Variants in SLC4A4 observed in about 807,000 individuals in gnomAD.
SLC4A4 encodes the protein electrogenic sodium bicarbonate cotransporter 1.
A neutral mutation model predicts 111.5 loss-of-function variants in SLC4A4; 27 were observed. The ratio of observed to expected loss-of-function variants is 0.24; its 90% confidence interval spans 0.18 to 0.33. The LOEUF (loss-of-function observed/expected upper bound fraction) is 0.33, where lower values mean the gene tolerates loss of function less well. Among genes scored for constraint, SLC4A4 ranks in the 10% least tolerant of loss-of-function variants. SLC4A4 has a pLI of 1.00. For missense variants in SLC4A4, 909 were observed against 1,315.5 expected (o/e 0.69, Z 4.78); for synonymous variants, 443 against 463.4 (o/e 0.96, Z 0.57).
intron 1 of SLC4A4, among the ~76,000 whole-genome samples, chr4:71,201,463 G>C (rs1268187097): frequency 6.6e-6 from 1 of 152,210 alleles, no homozygotes; most frequent in African/African-American, 2.4e-5. Context: ...CCTCTGTTCT[G>C]CAGGGGAGAT....
At chr4:71,202,030 A>C (rs1746278622) in intron 1 of SLC4A4, among the ~76,000 whole-genome samples, 1 of 152,254 alleles carries the variant, frequency 6.6e-6, no homozygotes, top group Non-Finnish European at 1.5e-5. Flanking sequence ...TGATAAGAGC[A>C]GTTCATAACC....
At chr4:71,079,666 C>T (rs1199520369) in intron 1 of SLC4A4, among the ~76,000 whole-genome samples, 2 of 151,892 alleles carry the variant, frequency 1.3e-5, no homozygotes, top group East Asian at 1.9e-4. Context: ...GTCCCAGCTA[C>T]TCGGGAGGCT....
At chr4:71,550,244 G>A (rs1735868519) in intron 20 of SLC4A4, among the ~76,000 whole-genome samples, 1 of 151,982 alleles carries the variant, frequency 6.6e-6, no homozygotes, top group Non-Finnish European at 1.5e-5. Flanking sequence ...AACAGTCAAG[G>A]ATTCGCAGTT....
rs192287349 is a variant in SLC4A4, at chr4:71,243,079, C to T, written c.73+6430C>T. On this transcript the variant is annotated intron_variant, in intron 2 of 25. Coordinates refer to ENST00000264485, the MANE Select transcript of SLC4A4 (RefSeq NM_001098484.3). ...TTTTTTCCAAGAAGAGGGATATTAACCATAATTGTATACTGGGTAAAACGC... is the reference window on the plus strand; with the variant it reads ...TTTTTTCCAAGAAGAGGGATATTAATCATAATTGTATACTGGGTAAAACGC... Among the ~76,000 whole-genome samples, 32 of 152,232 alleles carry T rather than the reference C, an allele frequency of 2.1e-4. No individual in the cohort carries two copies. The East Asian group carries it at 6.2e-3, about 29-fold the overall frequency.
At chr4:71,453,358 C>T (rs879041794) in intron 11 of SLC4A4, 137 bp from the exon 12 acceptor site, 5 of 886,386 alleles carry the variant, frequency 5.6e-6, no homozygotes, top group East Asian at 2.4e-5. Flanking sequence ...CTGGTTTCAT[C>T]GTAAGTGGTT....
At chr4:71,140,552 A>G (rs938132443) in intron 2 of SLC4A4, among the ~76,000 whole-genome samples, 3 of 152,154 alleles carry the variant, frequency 2.0e-5, no homozygotes, top group Non-Finnish European at 2.9e-5. Flanking sequence ...CACAGGCATC[A>G]CAAACACATT....
chr4:71,198,498 T>C (rs988838385), intron 1 of SLC4A4, among the ~76,000 whole-genome samples: 1 of 152,222 alleles, frequency 6.6e-6, no homozygotes, highest in African/African-American at 2.4e-5. Flanking sequence ...AGAAACACGC[T>C]GCATATCATG....
intron 2 of SLC4A4, among the ~76,000 whole-genome samples, chr4:71,178,142 A>T (rs1745155721): frequency 6.6e-6 from 1 of 152,214 alleles, no homozygotes; most frequent in African/African-American, 2.4e-5. Context: ...GAGAAAAAAG[A>T]CACAACATAC....
intron 3 of SLC4A4, among the ~76,000 whole-genome samples, chr4:71,307,103 T>A (rs1725751474): frequency 6.6e-6 from 1 of 152,218 alleles, no homozygotes; most frequent in African/African-American, 2.4e-5. Context: ...ACTGTTTCAG[T>A]AAACATTAAA....
chr4:71,221,230 C>T (rs947201034), intron 1 of SLC4A4, among the ~76,000 whole-genome samples: 5 of 152,128 alleles, frequency 3.3e-5, no homozygotes, highest in Non-Finnish European at 7.3e-5. Flanking sequence ...TGGGTATATA[C>T]CGAGTAATGG....
At chr4:71,233,403 G>C (rs532394241) in intron 1 of SLC4A4, 1 of 571,968 alleles carries the variant, frequency 1.7e-6, no homozygotes, top group South Asian at 7.6e-5. Flanking sequence ...CAGCCACTCG[G>C]TAGCAGTACT....
At chr4:71,368,581 C>T (rs1731557403) in intron 6 of SLC4A4, among the ~76,000 whole-genome samples, 1 of 152,154 alleles carries the variant, frequency 6.6e-6, no homozygotes, top group African/African-American at 2.4e-5. Context: ...TTGAGTAGGT[C>T]ATAAGAAAGC....
Position 71,087,853 on chromosome 4 carries a change from G to T in SLC4A4, c.-64-4877G>T, listed in dbSNP as rs532927476. Among the ~76,000 whole-genome samples the T allele has an allele frequency of 2.6e-5, 4 of 151,720 alleles. No homozygotes were observed. In the East Asian group the frequency reaches 5.8e-4, roughly 22 times the overall value. ...TGTGGTCAGTTTTGGAATAGGTGTG[G>T]TGTGGTGCTGAGAAGAATGTATATT... On this transcript the variant is annotated intron_variant, in intron 1 of 26. Transcript: ENST00000649996.
Position 71,339,350 on chromosome 4 carries a change from C to T in SLC4A4, c.254-20C>T. 6.2e-7 allele frequency: 1 copy of T among 1,614,180 alleles called. No homozygotes were observed. Among genetic ancestry groups the T allele is most frequent in the African/African-American group, 1.3e-5 (1 of 75,042 alleles). ...GGGTTGTCCAGCCAATGTTTAACCA[C>T]AGTATTTTCACTTCTGCAGTCTCTC... On this transcript the variant is annotated intron_variant, in intron 3 of 25. Coordinates refer to ENST00000264485, the MANE Select transcript of SLC4A4 (RefSeq NM_001098484.3).
chr4:71,249,059 A>G (rs1432578431), intron 2 of SLC4A4, among the ~76,000 whole-genome samples: 3 of 152,154 alleles, frequency 2.0e-5, no homozygotes, highest in African/African-American at 7.2e-5. Flanking sequence ...CTCAGTGAAC[A>G]TCAAGTAACA....
chr4:71,303,777 C>T (rs1296364336), intron 3 of SLC4A4, among the ~76,000 whole-genome samples: 2 of 152,038 alleles, frequency 1.3e-5, no homozygotes, highest in African/African-American at 4.8e-5. Context: ...CCCCTCCCTC[C>T]CTTTTTTCCT....
chr4:71,329,240 A>T (rs1578847572), intron 3 of SLC4A4, among the ~76,000 whole-genome samples: 1 of 152,112 alleles, frequency 6.6e-6, no homozygotes, highest in East Asian at 1.9e-4. Context: ...GTAAAATTTG[A>T]AGTCAGATAA....
intron 7 of SLC4A4, among the ~76,000 whole-genome samples, chr4:71,402,690 C>G (rs1306769362): frequency 6.6e-6 from 1 of 152,162 alleles, no homozygotes; most frequent in Non-Finnish European, 1.5e-5. Context: ...ACTTAGAGGT[C>G]CTTAGTCACT....
At chr4:71,346,408 A>G (rs1729331652) in intron 4 of SLC4A4, among the ~76,000 whole-genome samples, 2 of 152,000 alleles carry the variant, frequency 1.3e-5, no homozygotes, top group African/African-American at 4.8e-5. Flanking sequence ...GTAGTTATTC[A>G]TAGTTATTAT....
Sources: allele counts gnomAD v4.1 joint callset (sites outside exome capture counted in the v4.1 genomes callset), GRCh38; gene constraint gnomAD v4.1.1; transcripts MANE v1.5; gene names NCBI Gene and HGNC (gene_info 2026-07-23, HGNC 2026-07-21).